CHODL: variants seen among roughly 807,000 people sequenced by gnomAD.
CHODL encodes transmembrane protein MT75.
A neutral mutation model predicts 34.5 loss-of-function variants in CHODL; 29 were observed. That is an observed-to-expected ratio of 0.84 (90% CI 0.63 to 1.15). The LOEUF (loss-of-function observed/expected upper bound fraction) is 1.15, where lower values mean the gene tolerates loss of function less well. CHODL is among the 50% of genes most tolerant of loss of function. The pLI is 0.00. For missense variants in CHODL, 332 were observed against 332.5 expected, an observed-to-expected ratio of 1.00 and a Z score of 0.01; for synonymous variants, 125 against 116.1, an observed-to-expected ratio of 1.08 and a Z score of -0.49.
intron 1 of CHODL, among the ~76,000 whole-genome samples, chr21:17,929,504 G>A (rs2063254370): frequency 1.3e-5 from 2 of 152,220 alleles, no homozygotes; most frequent in Admixed American, 6.5e-5. Context: ...ATTCATCAGA[G>A]AAGTGATGGG....
At chr21:18,192,473 T>C (rs1441753933) in intron 2 of CHODL, among the ~76,000 whole-genome samples, 1 of 152,164 alleles carries the variant, frequency 6.6e-6, no homozygotes, top group Non-Finnish European at 1.5e-5. Context: ...TAAACATAAG[T>C]TTCGCATGAA....
At chr21:17,975,764 T>C (rs2146367876) in intron 1 of CHODL, among the ~76,000 whole-genome samples, 1 of 152,122 alleles carries the variant, frequency 6.6e-6, no homozygotes, top group South Asian at 2.1e-4. Flanking sequence ...CATCCTCATG[T>C]CTCCCCACCC....
intron 2 of CHODL, among the ~76,000 whole-genome samples, chr21:18,073,762 C>T (rs560323147): frequency 3.9e-5 from 6 of 151,968 alleles, no homozygotes; most frequent in Middle Eastern, 3.4e-3. Flanking sequence ...ATCTCAGACA[C>T]CTCAAAATAT....
At chr21:18,121,693 G>C (rs1408906892) in intron 2 of CHODL, among the ~76,000 whole-genome samples, 1 of 152,092 alleles carries the variant, frequency 6.6e-6, no homozygotes, top group Non-Finnish European at 1.5e-5. Flanking sequence ...TTCGTTCTTT[G>C]ATGCTTAAAG....
intron 1 of CHODL, among the ~76,000 whole-genome samples, chr21:17,988,055 A>C (rs2063767492): frequency 8.9e-6 from 1 of 112,520 alleles, no homozygotes; most frequent in African/African-American, 4.1e-5. Context: ...AAATCCCATA[A>C]AAAAGTCATT....
At chr21:18,157,454 TG>T (rs2073047743) in intron 2 of CHODL, among the ~76,000 whole-genome samples, 1 of 152,224 alleles carries the variant, frequency 6.6e-6, no homozygotes, top group African/African-American at 2.4e-5. Flanking sequence ...GCAATGACAC[TG>T]TTGTTATTTA....
chr21:17,921,057 G>C lies in CHODL; in HGVS notation c.-145+3657G>C, dbSNP rs147715040. Among the ~76,000 whole-genome samples the C allele has an allele frequency of 8.0e-3, 1,213 of 152,238 alleles. 18 individuals are homozygous for C. Among genetic ancestry groups the C allele is most frequent in the African/African-American group, 0.027 (1,117 of 41,538 alleles). On this transcript the variant is annotated intron_variant, in intron 1 of 6. Coordinates refer to the CHODL transcript ENST00000400127. ...TTAGTCTGGACTCACAAGAGAAACA[G>C]GACCAATAGGATGGATGGATAGATA... is the stretch of plus-strand genomic sequence containing the variant.
chr21:17,938,668 C>T (rs1229478665), intron 1 of CHODL, among the ~76,000 whole-genome samples: 4 of 151,780 alleles, frequency 2.6e-5, no homozygotes, highest in African/African-American at 9.7e-5. Context: ...TTAGTAGAGA[C>T]GGGGTTTCAC....
rs754797709 is a variant in CHODL at position 18,257,096 on chromosome 21, G to GA, written c.518dup (p.His174AlafsTer8). ...AGTGGAATGATGACAGGTGTAACAT[G>GA]AAGCACAATTATATTTGCAAGTATG... On this transcript the variant is annotated frameshift_variant, in exon 3 of 6. Coordinates refer to ENST00000299295, the MANE Select transcript of CHODL (RefSeq NM_024944.3). LOFTEE classifies it high-confidence loss of function. 5 of 1,613,084 alleles carry GA rather than the reference G, an allele frequency of 3.1e-6. No homozygotes were observed. The highest frequency in any genetic ancestry group is 3.4e-6 in the Non-Finnish European group (4 of 1,179,580).
At chr21:18,118,482 T>C (rs1168653592) in intron 2 of CHODL, among the ~76,000 whole-genome samples, 2 of 152,182 alleles carry the variant, frequency 1.3e-5, no homozygotes, top group Non-Finnish European at 2.9e-5. Flanking sequence ...CTGAATTAGC[T>C]TTATCCATCA....
At chr21:18,243,298 A>G (rs1463945782), upstream of CHODL, among the ~76,000 whole-genome samples, 1 of 152,162 alleles carries the variant, frequency 6.6e-6, no homozygotes, top group African/African-American at 2.4e-5. Context: ...GCTCTTTGAC[A>G]TGGTTTCCGG....
At chr21:18,245,856 G>C (rs2074134401) in intron 1 of CHODL, 5 of 1,486,278 alleles carry the variant, frequency 3.4e-6, no homozygotes, top group Middle Eastern at 3.6e-4. Context: ...TGGTCATTGC[G>C]TGTAGATGCC....
rs71329776 is a variant in CHODL, at chr21:18,167,211, C to CTGTGTGTGTGTG, written c.-44-89264_-44-89253dup. Among the ~76,000 whole-genome samples the CTGTGTGTGTGTG allele has an allele frequency of 5.6e-3, 493 of 88,164 alleles. 1 individual carries two copies. The highest frequency in any genetic ancestry group is 9.1e-3 in the South Asian group (24 of 2,636). The allele number at this position is 88,164 out of a possible 152,430, so 57.8% of individuals were successfully genotyped here. ...TTTCACCATTCCCATTTCTCTCTCTCTGTGTGTGTGTGTGTGTGTGTGTGT... is the reference window on the plus strand; with the variant it reads ...TTTCACCATTCCCATTTCTCTCTCTCTGTGTGTGTGTGTGTGTGTGTGTGTGTGTGTGTGTGT... On this transcript the variant is annotated intron_variant, in intron 2 of 6. Coordinates refer to the CHODL transcript ENST00000400127.
intron 2 of CHODL, among the ~76,000 whole-genome samples, chr21:18,077,138 C>G (rs2064876440): frequency 6.6e-6 from 1 of 152,176 alleles, no homozygotes; most frequent in South Asian, 2.1e-4. Flanking sequence ...AGAATACCTT[C>G]AAACCCTAAG....
At chr21:18,173,731 C>T (rs569879953) in intron 2 of CHODL, among the ~76,000 whole-genome samples, 20 of 151,932 alleles carry the variant, frequency 1.3e-4, no homozygotes, top group South Asian at 2.1e-4. Context: ...TTTCTTGCTA[C>T]GGGATGAGAA....
At chr21:18,061,724 G>C (rs2064668846) in intron 2 of CHODL, among the ~76,000 whole-genome samples, 1 of 152,186 alleles carries the variant, frequency 6.6e-6, no homozygotes, top group African/African-American at 2.4e-5. Context: ...TGGCAATGAT[G>C]ATGATGAAGA....
At chr21:17,952,220 T>G (rs376104621) in intron 1 of CHODL, among the ~76,000 whole-genome samples, 34 of 105,008 alleles carry the variant, frequency 3.2e-4, no homozygotes, top group African/African-American at 1.1e-3. Flanking sequence ...AAAAAAGAAA[T>G]AAACCTACAA....
Position 17,920,000 on chromosome 21 carries a change from A to C in CHODL, c.-145+2600A>C, listed in dbSNP as rs534839440. ...AGTTTCCAGCAAGTTCCTCATCTCC[A>C]TCTGAGATCACCTTAGCCTGGATTT... On this transcript the variant is annotated intron_variant, in intron 1 of 6. Transcript: ENST00000400127. Among the ~76,000 whole-genome samples, 169 of 152,254 alleles carry C rather than the reference A, an allele frequency of 1.1e-3. 2 individuals carry two copies. Among genetic ancestry groups the C allele is most frequent in the African/African-American group, 4.0e-3 (168 of 41,552 alleles).
Position 18,147,726 on chromosome 21 carries a change from A to G in CHODL, c.-44-108783A>G, listed in dbSNP as rs563628960. 2.6e-5 allele frequency among the ~76,000 whole-genome samples: 4 copies of G among 152,364 alleles called. No individual in the cohort carries two copies. The East Asian group carries it at 5.8e-4, about 22-fold the overall frequency. On this transcript the variant is annotated intron_variant, in intron 2 of 6. Coordinates refer to the CHODL transcript ENST00000400127. ...TTACAGTGTGGAAGGAGCCATAGAC[A>G]GTATGTAAACAAATTAACAAGTGTG...
Sources: allele counts gnomAD v4.1 joint callset (sites outside exome capture counted in the v4.1 genomes callset), GRCh38; gene constraint gnomAD v4.1.1; transcripts MANE v1.5; gene names NCBI Gene and HGNC (gene_info 2026-07-23, HGNC 2026-07-21).